Variants in MYH9 observed in about 807,000 individuals in gnomAD.
The protein encoded by MYH9 is myosin-9.
MYH9 carries 29 observed loss-of-function variants against 241.9 expected under a neutral mutation model. The ratio of observed to expected loss-of-function variants is 0.12; its 90% CI spans 0.09 to 0.16. The LOEUF (loss-of-function observed/expected upper bound fraction) is 0.16, where lower values mean the gene tolerates loss of function less well. MYH9 is among the 10% of genes least tolerant of loss of function. The probability of loss-of-function intolerance (pLI) is 1.00; values close to 1 mark genes in which losing one functional copy is unlikely to be tolerated. For synonymous variants in MYH9, 1,047 were observed against 1,062.6 expected (o/e 0.99, Z 0.29); for missense variants, 1,803 against 2,595.5 (o/e 0.69, Z 6.63).
intron 40 of MYH9, among the ~76,000 whole-genome samples, chr22:36,283,363 C>A (rs978051452): frequency 1.8e-4 from 28 of 151,920 alleles, no homozygotes; most frequent in African/African-American, 6.8e-4. Context: ...ATGGTAAAAC[C>A]CCGTCTCCAC....
At chr22:36,332,395 G>A (rs2017435219) in intron 3 of MYH9, among the ~76,000 whole-genome samples, 1 of 152,210 alleles carries the variant, frequency 6.6e-6, no homozygotes, top group African/African-American at 2.4e-5. Flanking sequence ...TGCCAGCAAA[G>A]GAGGAAGCCC....
At chr22:36,315,657 A>G (rs1309129175) in intron 12 of MYH9, among the ~76,000 whole-genome samples, 1 of 152,066 alleles carries the variant, frequency 6.6e-6, no homozygotes, top group Non-Finnish European at 1.5e-5. Context: ...CTGAGGTGGG[A>G]GAATGGCTTA....
intron 1 of MYH9, among the ~76,000 whole-genome samples, chr22:36,354,956 A>AAAACAAAACAC (rs1556643801): frequency 2.4e-5 from 3 of 123,638 alleles, no homozygotes; most frequent in African/African-American, 9.2e-5. Flanking sequence ...CAAAAAACAA[A>AAAACAAAACAC]ACACACACAC....
chr22:36,304,260 C>G (rs2016934908), intron 18 of MYH9, 105 bp from the exon 19 acceptor site: 1 of 1,233,104 alleles, frequency 8.1e-7, no homozygotes, highest in Non-Finnish European at 1.2e-6. Flanking sequence ...CTTCTTCTCA[C>G]TGGCTGACGA....
chr22:36,336,741 C>T (rs1432013442), intron 3 of MYH9, among the ~76,000 whole-genome samples: 3 of 152,222 alleles, frequency 2.0e-5, no homozygotes, highest in Admixed American at 6.5e-5. Flanking sequence ...GATCCGACCT[C>T]GCCACACCTG....
In MYH9 at chr22:36,336,988, C is replaced by T. The variant is rs867199301; in HGVS notation, c.490+4382G>A. Among the ~76,000 whole-genome samples the T allele has an allele frequency of 1.7e-4, 26 of 152,234 alleles. 1 individual carries two copies. Among genetic ancestry groups the T allele is most frequent in the South Asian group, 6.2e-4 (3 of 4,828 alleles). On this transcript the variant is annotated intron_variant, in intron 3 of 40. Coordinates refer to ENST00000216181, the MANE Select transcript of MYH9 (RefSeq NM_002473.6). ...AGGCACTACATGCTGTGATGCCCCACCCGTGCCCACGGCAGACAGCACTAA... is the reference window on the plus strand; with the variant it reads ...AGGCACTACATGCTGTGATGCCCCATCCGTGCCCACGGCAGACAGCACTAA...
intron 1 of MYH9, among the ~76,000 whole-genome samples, chr22:36,366,517 C>T (rs545586615): frequency 4.6e-5 from 7 of 152,142 alleles, no homozygotes; most frequent in Non-Finnish European, 8.8e-5. Context: ...AAGGGTCACG[C>T]GGCCCCTCCC....
chr22:36,292,061 G>T lies in MYH9; in HGVS notation c.4269C>A (p.Asp1423Glu). Residue 1423 changes from aspartate (D) to glutamate (E), a missense_variant, in exon 31 of 41, where the codon GAC (aspartate) becomes GAA (glutamate). Coordinates refer to ENST00000216181, the MANE Select transcript of MYH9 (RefSeq NM_002473.6). ...GGTGGTCCAGGTCCACCAGCAGGTC[G>T]TCCAGCTCCTGCTGCAGCCGCGTCT... is the stretch of plus-strand genomic sequence containing the variant. The part of the protein sequence containing the change: ...KTKTRLQQEL[D>E]DLLVDLDHQR... 6.2e-7 allele frequency: 1 copy of T among 1,614,160 alleles called. No individual in the cohort carries two copies. Among genetic ancestry groups the T allele is most frequent in the Non-Finnish European group, 8.5e-7 (1 of 1,180,044 alleles).
In MYH9 at chr22:36,292,028, C is replaced by G. The variant is rs143979758; in HGVS notation, c.4302G>C (p.Gln1434His). 4 of 1,614,112 alleles carry G rather than the reference C, an allele frequency of 2.5e-6. No homozygotes were observed. The African/African-American group carries it at 5.3e-5, about 22-fold the overall frequency. ...GCTTCTTCTCCAGGTTGCACGCGCT[C>G]TGGCGCTGGTGGTCCAGGTCCACCA... is the stretch of plus-strand genomic sequence containing the variant. ...DLLVDLDHQRQSACNLEKKQK... is the reference protein window; with the variant it reads ...DLLVDLDHQRHSACNLEKKQK... The change falls in exon 31 of 41, where the codon CAG becomes CAC. Residue 1434 changes from glutamine (Q) to histidine (H), a missense_variant. Transcript: ENST00000216181.
intron 1 of MYH9, among the ~76,000 whole-genome samples, chr22:36,371,004 T>C (rs1352045822): frequency 6.6e-6 from 1 of 152,076 alleles, no homozygotes; most frequent in Non-Finnish European, 1.5e-5. Flanking sequence ...ATACAGAAAC[T>C]GGAGCTCAAA....
intron 2 of MYH9, among the ~76,000 whole-genome samples, chr22:36,342,347 G>A (rs1027042904): frequency 6.6e-6 from 1 of 152,006 alleles, no homozygotes; most frequent in Admixed American, 6.6e-5. Flanking sequence ...TGTGAAAAAC[G>A]GGGACAGGCA....
chr22:36,324,189 G>A (rs900275111), intron 5 of MYH9, among the ~76,000 whole-genome samples: 29 of 152,256 alleles, frequency 1.9e-4, no homozygotes, highest in African/African-American at 5.5e-4. Context: ...GTGGGGCCGC[G>A]GGGCCAAGTC....
rs750701311 is a variant in MYH9 at position 36,294,127 on chromosome 22, G to A, written c.3802C>T (p.Arg1268Cys). The A allele has an allele frequency of 5.6e-6, 9 of 1,610,962 alleles. No individual in the cohort carries two copies. The highest frequency in any genetic ancestry group is 1.1e-5 in the South Asian group (1 of 91,084). The change falls in exon 28 of 41, where the codon CGC becomes TGC. Residue 1268 changes from arginine to cysteine, a missense_variant. Arg to Cys is a radical substitution (Grantham distance 180, BLOSUM62 -3). This residue lies in a region of MYH9 where 876 missense variants were observed against 1,077.8 expected (regional missense o/e 0.81). Transcript: ENST00000216181. ...QVKFNEGERV[R>C]TELADKVTKL... ...GTGACCTTGTCGGCCAGCTCTGTGC[G>A]CACGCGCTCTCCCTCGTTGAACTTG...
chr22:36,287,431 G>GT (rs910008930), intron 34 of MYH9, among the ~76,000 whole-genome samples: 58 of 148,762 alleles, frequency 3.9e-4, no homozygotes, highest in South Asian at 1.3e-3. Flanking sequence ...GTTTTTGTGG[G>GT]TTTTTTTTTT....
At chr22:36,346,499 G>A (rs113296484) in intron 2 of MYH9, among the ~76,000 whole-genome samples, 4,581 of 152,296 alleles carry the variant, frequency 0.03, 225 homozygotes, top group African/African-American at 0.1. Context: ...GTAACAGAAT[G>A]AGCCTGCCAC....
At chr22:36,363,015 C>T (rs2017959263) in intron 1 of MYH9, among the ~76,000 whole-genome samples, 1 of 152,194 alleles carries the variant, frequency 6.6e-6, no homozygotes, top group East Asian at 1.9e-4. Context: ...CACTAGAGCA[C>T]ACTCCCCAGA....
intron 20 of MYH9, 93 bp downstream of exon 20, chr22:36,302,475 A>G (rs1444882817): frequency 8.9e-7 from 1 of 1,127,326 alleles, no homozygotes; most frequent in Non-Finnish European, 1.3e-6. Flanking sequence ...TGGTGAGACC[A>G]CACCTCTACA....
At chr22:36,343,377 A>T (rs1485047025) in intron 2 of MYH9, among the ~76,000 whole-genome samples, 1 of 151,826 alleles carries the variant, frequency 6.6e-6, no homozygotes, top group Non-Finnish European at 1.5e-5. Context: ...CACTACAAAA[A>T]ATTAAAAAAT....
At position 36,288,219 on chromosome 22, in the gene MYH9, GC is replaced by G. The variant is rs755114814; in HGVS notation, c.4932+32del. 63 of 1,611,660 alleles carry G rather than the reference GC, an allele frequency of 3.9e-5. 1 individual carries two copies. The South Asian group carries it at 6.2e-4, about 16-fold the overall frequency. ...TATGTAGTTGGCTCAGTCGGGTGCCGCCCACCCTCACCTGGGCCCCGCCCAC... is the reference window on the plus strand; with the variant it reads ...TATGTAGTTGGCTCAGTCGGGTGCCGCCACCCTCACCTGGGCCCCGCCCAC... On this transcript the variant is annotated intron_variant, in intron 34 of 40. Transcript: ENST00000216181. This position sits in a 1 kb window ranked among gnomAD's most constrained non-coding sequence, Gnocchi z 4.8.
Sources: gnomAD v4.1 joint callset for allele counts (sites outside exome capture counted in the v4.1 genomes callset) on GRCh38, gnomAD v4.1.1 for gene constraint, gnomAD v4.1.1 regional missense constraint, Gnocchi (gnomAD v3.1) non-coding constraint, MANE v1.5 for transcripts, NCBI Gene and HGNC (gene_info 2026-07-23, HGNC 2026-07-21) for gene names.